Variants in RGS7 observed in about 807,000 individuals in gnomAD.
RGS7 encodes regulator of G-protein signaling 7.
A neutral mutation model predicts 81.1 loss-of-function variants in RGS7; 27 were observed. The observed-to-expected ratio is 0.33, with a 90% CI of 0.25 to 0.46. The LOEUF (loss-of-function observed/expected upper bound fraction) is 0.46. RGS7 is among the 20% of genes least tolerant of loss of function. RGS7 has a pLI of 1.00. For synonymous variants in RGS7, 208 were observed against 207.7 expected, an observed-to-expected ratio of 1.00 and a Z score of -0.01; for missense variants, 396 against 607.4, an observed-to-expected ratio of 0.65 and a Z score of 3.66.
At chr1:241,063,061 T>C (rs1163935786) in intron 3 of RGS7, among the ~76,000 whole-genome samples, 1 of 152,116 alleles carries the variant, frequency 6.6e-6, no homozygotes, top group Non-Finnish European at 1.5e-5. Flanking sequence ...CAACCCTGGA[T>C]AGTAATTCAA....
In RGS7 at chr1:241,156,163, T is replaced by TAGAC. The variant is rs2069124957; in HGVS notation, c.79-57402_79-57401insGTCT. ...ATAGATAGATAGATAGATAGATAGA[T>TAGAC]AGATAGATACATATACATAGACAGA... On this transcript the variant is annotated intron_variant, in intron 2 of 18. Coordinates refer to ENST00000440928, the MANE Select transcript of RGS7 (RefSeq NM_001364886.1). 2.6e-5 allele frequency among the ~76,000 whole-genome samples: 4 copies of TAGAC among 151,246 alleles called. 1 individual carries two copies. The South Asian group carries it at 8.4e-4, about 32-fold the overall frequency.
chr1:241,195,629 T>G (rs2073011975), intron 2 of RGS7, among the ~76,000 whole-genome samples: 1 of 151,994 alleles, frequency 6.6e-6, no homozygotes, highest in Admixed American at 6.6e-5. Context: ...AAAGATTAAA[T>G]AAGGCAATAC....
intron 2 of RGS7, among the ~76,000 whole-genome samples, chr1:241,147,142 A>G (rs1020092816): frequency 6.6e-6 from 1 of 152,196 alleles, no homozygotes; most frequent in Admixed American, 6.5e-5. Flanking sequence ...TTAATAACAC[A>G]CACACACGAC....
Position 241,313,561 on chromosome 1 carries a change from G to A in RGS7, c.78+42138C>T, listed in dbSNP as rs116663290. Reference sequence around the variant, plus strand: ...GATGAAGATCTATGAAAAGATTAACGTTGTTTTCATGCTAACACAACATCT... The same window carrying A: ...GATGAAGATCTATGAAAAGATTAACATTGTTTTCATGCTAACACAACATCT... On this transcript the variant is annotated intron_variant, in intron 2 of 18. Coordinates refer to ENST00000440928, the MANE Select transcript of RGS7 (RefSeq NM_001364886.1). Among the ~76,000 whole-genome samples the A allele has an allele frequency of 5.9e-3, 895 of 152,318 alleles. 6 individuals carry two copies. Among genetic ancestry groups the A allele is most frequent in the African/African-American group, 0.02 (812 of 41,570 alleles).
intron 2 of RGS7, among the ~76,000 whole-genome samples, chr1:241,252,109 C>A (rs2076860954): frequency 6.7e-6 from 1 of 148,992 alleles, no homozygotes; most frequent in African/African-American, 2.5e-5. Flanking sequence ...AATGGTGTGA[C>A]CTCGGCTCAC....
At chr1:240,862,925 ATGTGTG>A (rs150023240) in intron 9 of RGS7, among the ~76,000 whole-genome samples, 2,540 of 144,640 alleles carry the variant, frequency 0.018, 86 homozygotes, top group African/African-American at 0.06. Flanking sequence ...TAAACTAAAT[ATGTGTG>A]TGTGTGTGTG....
chr1:241,209,898 CTT>C (rs2147917060), intron 2 of RGS7, among the ~76,000 whole-genome samples: 1 of 152,026 alleles, frequency 6.6e-6, no homozygotes, highest in African/African-American at 2.4e-5. Context: ...CTCATTTAAT[CTT>C]GACAGAATCT....
chr1:241,325,119 C>A (rs534705597), intron 2 of RGS7, among the ~76,000 whole-genome samples: 1 of 152,320 alleles, frequency 6.6e-6, no homozygotes, highest in African/African-American at 2.4e-5. Context: ...CATCCACGAC[C>A]TGACTCTAAG....
intron 2 of RGS7, among the ~76,000 whole-genome samples, chr1:241,352,143 C>A (rs939682677): frequency 1.3e-5 from 2 of 152,076 alleles, no homozygotes; most frequent in Non-Finnish European, 2.9e-5. Flanking sequence ...TGTCTAAAGC[C>A]GACCAAAAAC....
At chr1:241,224,826 C>T (rs539199498) in intron 2 of RGS7, among the ~76,000 whole-genome samples, 1 of 152,136 alleles carries the variant, frequency 6.6e-6, no homozygotes, top group Non-Finnish European at 1.5e-5. Flanking sequence ...AACAGGTCCA[C>T]TACGCTTTGG....
At chr1:240,895,535 G>A (rs1668950192) in intron 6 of RGS7, among the ~76,000 whole-genome samples, 1 of 152,048 alleles carries the variant, frequency 6.6e-6, no homozygotes, top group South Asian at 2.1e-4. Flanking sequence ...AGAACATGCG[G>A]TGCTTGGTTT....
chr1:241,290,539 A>AAAT (rs1279244441), intron 2 of RGS7, among the ~76,000 whole-genome samples: 1 of 152,206 alleles, frequency 6.6e-6, no homozygotes, highest in Non-Finnish European at 1.5e-5. Context: ...TCCTGTTCTC[A>AAAT]TTTCAAGTTA....
At chr1:240,902,126 T>C (rs1398712342) in intron 6 of RGS7, among the ~76,000 whole-genome samples, 1 of 152,186 alleles carries the variant, frequency 6.6e-6, no homozygotes, top group African/African-American at 2.4e-5. Context: ...AGACAGAAGG[T>C]CTCAGTTGAA....
rs1288728326 is a variant in RGS7 at position 240,907,455 on chromosome 1, C to A, written c.385+23262G>T. On this transcript the variant is annotated intron_variant, in intron 6 of 18. Transcript: ENST00000440928. ...AATCGTAGAAATAAAATACTAAATA[C>A]TAAAATAATAAAATACTAAAGTTTG... 2.7e-5 allele frequency among the ~76,000 whole-genome samples: 4 copies of A among 148,654 alleles called. No homozygotes were observed. The East Asian group carries it at 7.7e-4, about 29-fold the overall frequency.
At chr1:240,999,778 T>C (rs904634910) in intron 3 of RGS7, among the ~76,000 whole-genome samples, 4 of 151,578 alleles carry the variant, frequency 2.6e-5, no homozygotes, top group African/African-American at 9.7e-5. Context: ...TTTTTTTTTT[T>C]TCCCAGTAGA....
intron 2 of RGS7, among the ~76,000 whole-genome samples, chr1:241,350,609 CA>C (rs2083174223): frequency 1.3e-5 from 2 of 151,922 alleles, no homozygotes; most frequent in South Asian, 4.2e-4. Context: ...AACTAAGGTT[CA>C]AAAATGTTAA....
intron 3 of RGS7, among the ~76,000 whole-genome samples, chr1:241,037,639 T>G (rs1258441085): frequency 6.6e-6 from 1 of 151,196 alleles, no homozygotes; most frequent in Non-Finnish European, 1.5e-5. Context: ...GAGAATCTCC[T>G]GAGCCCAGGA....
intron 6 of RGS7, among the ~76,000 whole-genome samples, chr1:240,895,531 T>C (rs1487303445): frequency 6.6e-6 from 1 of 152,056 alleles, no homozygotes; most frequent in African/African-American, 2.4e-5. Flanking sequence ...AGTGAGAACA[T>C]GCGGTGCTTG....
At chr1:241,002,887 G>A (rs2058479578) in intron 3 of RGS7, among the ~76,000 whole-genome samples, 1 of 152,124 alleles carries the variant, frequency 6.6e-6, no homozygotes, top group African/African-American at 2.4e-5. Context: ...ATGAATACAA[G>A]TTTTCACTCA....
Sources: allele counts gnomAD v4.1 joint callset (sites outside exome capture counted in the v4.1 genomes callset), GRCh38; gene constraint gnomAD v4.1.1; transcripts MANE v1.5; gene names NCBI Gene and HGNC (gene_info 2026-07-23, HGNC 2026-07-21).